DCK: variants seen among roughly 807,000 people sequenced by gnomAD.
The protein encoded by DCK is deoxycytidine kinase, also known as deoxyadenosine kinase.
DCK carries 23 observed loss-of-function variants against 38.3 expected under a neutral mutation model. The ratio of observed to expected loss-of-function variants is 0.60; its 90% CI spans 0.43 to 0.85. The LOEUF is 0.85. Among genes scored for constraint, DCK ranks in the 40% least tolerant of loss-of-function variants. The pLI is 0.00. For missense variants in DCK, 259 were observed against 304.4 expected (o/e 0.85, Z 1.11); for synonymous variants, 108 against 100.6 (o/e 1.07, Z -0.44).
intron 2 of DCK, among the ~76,000 whole-genome samples, chr4:71,007,343 T>G (rs908897546): frequency 6.6e-6 from 1 of 152,240 alleles, no homozygotes; most frequent in Non-Finnish European, 1.5e-5. Context: ...ATGTACAGTT[T>G]GAAGAACAGT....
intron 6 of DCK, among the ~76,000 whole-genome samples, chr4:71,027,821 CATTAAGT>C (rs1449727812): frequency 6.6e-6 from 1 of 152,132 alleles, no homozygotes; most frequent in African/African-American, 2.4e-5. Flanking sequence ...GAAAAGTCAG[CATTAAGT>C]ATTAACAGCC....
chr4:71,023,392 A>C (rs1231807045), intron 3 of DCK, among the ~76,000 whole-genome samples, 167 bp from the exon 4 acceptor site: 3 of 152,200 alleles, frequency 2.0e-5, no homozygotes, highest in Non-Finnish European at 4.4e-5. Flanking sequence ...CCGTATTTTG[A>C]GAACCATTGG....
intron 2 of DCK, among the ~76,000 whole-genome samples, chr4:71,019,556 C>G (rs1031784314): frequency 2.0e-5 from 3 of 152,102 alleles, no homozygotes; most frequent in Non-Finnish European, 4.4e-5. Context: ...TGAAGAACCT[C>G]TATCTTAGAG....
chr4:71,023,423 C>T, intron 3 of DCK, 136 bp from the exon 4 acceptor site: 3 of 594,118 alleles, frequency 5.0e-6, no homozygotes, highest in South Asian at 2.7e-5. Context: ...GATGGAAAGA[C>T]TCTTGTCTTT....
chr4:70,994,752 A>G (rs1427375480), intron 1 of DCK, among the ~76,000 whole-genome samples: 1 of 152,232 alleles, frequency 6.6e-6, no homozygotes, highest in Non-Finnish European at 1.5e-5. Flanking sequence ...TCTTAATAGC[A>G]TGGAGTTCCT....
chr4:71,021,091 C>T (rs1362526224), intron 2 of DCK, among the ~76,000 whole-genome samples: 1 of 124,386 alleles, frequency 8.0e-6, no homozygotes, highest in Non-Finnish European at 1.6e-5. Context: ...TTTTTTGAGA[C>T]GGAGTCTCGC....
At chr4:71,023,047 G>A (rs545060466) in intron 3 of DCK, among the ~76,000 whole-genome samples, 1 of 152,064 alleles carries the variant, frequency 6.6e-6, no homozygotes, top group Non-Finnish European at 1.5e-5. Context: ...TGTCCAAAGA[G>A]CATGTCCTAT....
At chr4:71,023,802 A>G in intron 4 of DCK, 96 bp downstream of exon 4, 1 of 1,147,314 alleles carries the variant, frequency 8.7e-7, no homozygotes, top group Non-Finnish European at 1.2e-6. Flanking sequence ...GTTTAACTCC[A>G]GCCTCCCAAC....
intron 1 of DCK, among the ~76,000 whole-genome samples, chr4:70,996,937 A>T (rs1739671116): frequency 1.3e-5 from 2 of 152,180 alleles, no homozygotes; most frequent in Non-Finnish European, 2.9e-5. Context: ...CTTTGCCTTC[A>T]TAGAAAATTA....
chr4:71,026,982 T>C (rs1026852726), intron 6 of DCK, among the ~76,000 whole-genome samples: 13 of 151,930 alleles, frequency 8.6e-5, no homozygotes, highest in African/African-American at 3.1e-4. Context: ...TGACAGATCT[T>C]AGAAAAAAAT....
At chr4:71,013,403 A>G (rs1280577085) in intron 2 of DCK, among the ~76,000 whole-genome samples, 1 of 152,222 alleles carries the variant, frequency 6.6e-6, no homozygotes, top group Admixed American at 6.5e-5. Context: ...CAGGAAATAC[A>G]GAGAACACCA....
chr4:71,003,618 T>A (rs1481695607), intron 2 of DCK, among the ~76,000 whole-genome samples: 1 of 152,264 alleles, frequency 6.6e-6, no homozygotes, highest in Non-Finnish European at 1.5e-5. Context: ...TCTTTTCACA[T>A]AGTCCCATAT....
intron 1 of DCK, 47 bp downstream of exon 1, chr4:70,993,973 C>T: frequency 7.3e-7 from 1 of 1,362,542 alleles, no homozygotes; most frequent in East Asian, 2.3e-5. Context: ...GGTGTCGCGG[C>T]AGTGGCTGAA....
chr4:71,018,183 G>A (rs1003498060), intron 2 of DCK, among the ~76,000 whole-genome samples: 5 of 139,438 alleles, frequency 3.6e-5, no homozygotes, highest in Non-Finnish European at 7.6e-5. Flanking sequence ...CTGGAGTGCA[G>A]TGGCGCCATC....
intron 2 of DCK, among the ~76,000 whole-genome samples, chr4:71,022,001 CAAAAAAGAA>C (rs1032143559): frequency 4.4e-4 from 66 of 150,412 alleles, no homozygotes; most frequent in Admixed American, 2.8e-3. Flanking sequence ...GACTCCATCT[CAAAAAAGAA>C]AAAAAAGAAG....
chr4:71,022,521 A>C lies in DCK; in HGVS notation c.362A>C (p.Lys121Thr). ...AATGGCAAGCTCAAAGATGCAGAGA[A>C]ACCTGTATTATTTTTTGAACGATCT... ...SLNGKLKDAEKPVLFFERSVY... is the reference protein window; with the variant it reads ...SLNGKLKDAETPVLFFERSVY... The change falls in exon 3 of 7, where the codon AAA becomes ACA. Residue 121 changes from lysine (K) to threonine (T), a missense_variant. Coordinates refer to ENST00000286648, the MANE Select transcript of DCK (RefSeq NM_000788.3). 1 of 1,597,662 alleles carries C rather than the reference A, an allele frequency of 6.3e-7. No individual in the cohort carries two copies.
At chr4:71,026,623 GT>G (rs1560689298) in intron 5 of DCK, 41 bp from the exon 6 acceptor site, 1 of 948,504 alleles carries the variant, frequency 1.1e-6, no homozygotes, top group East Asian at 2.5e-5. Flanking sequence ...TCTTTTTTTT[GT>G]TGAATTTCTG....
At chr4:71,014,889 A>G (rs1740215048) in intron 2 of DCK, among the ~76,000 whole-genome samples, 1 of 152,228 alleles carries the variant, frequency 6.6e-6, no homozygotes, top group Non-Finnish European at 1.5e-5. Flanking sequence ...ACACATTCCA[A>G]AGCTAGCAGA....
At chr4:71,018,292 A>T (rs941514332) in intron 2 of DCK, among the ~76,000 whole-genome samples, 1 of 150,868 alleles carries the variant, frequency 6.6e-6, no homozygotes, top group Non-Finnish European at 1.5e-5. Flanking sequence ...ATGCCCCGCT[A>T]TTTTTTTTGG....
Sources: allele counts gnomAD v4.1 joint callset (sites outside exome capture counted in the v4.1 genomes callset), GRCh38; gene constraint gnomAD v4.1.1; transcripts MANE v1.5; gene names NCBI Gene and HGNC (gene_info 2026-07-23, HGNC 2026-07-21).